ACSL3: variants seen among roughly 807,000 people sequenced by gnomAD.
The protein encoded by ACSL3 is fatty acid CoA ligase Acsl3.
ACSL3 carries 34 observed loss-of-function variants against 84.7 expected under a neutral mutation model. The ratio of observed to expected loss-of-function variants is 0.40; its 90% confidence interval spans 0.31 to 0.53. ACSL3 has a LOEUF of 0.53. ACSL3 is among the 20% of genes least tolerant of loss of function. ACSL3 has a pLI of 0.48. For missense variants in ACSL3, 680 were observed against 873.1 expected (o/e 0.78, Z 2.79); for synonymous variants, 315 against 299.4 (o/e 1.05, Z -0.54).
intron 2 of ACSL3, among the ~76,000 whole-genome samples, chr2:222,892,906 C>T (rs1231464168): frequency 6.6e-6 from 1 of 152,170 alleles, no homozygotes; most frequent in African/African-American, 2.4e-5. Flanking sequence ...CCATTTATTG[C>T]AAGCTTGGTG....
intron 1 of ACSL3, among the ~76,000 whole-genome samples, chr2:222,887,235 A>G (rs1695745895): frequency 6.6e-6 from 1 of 152,114 alleles, no homozygotes; most frequent in African/African-American, 2.4e-5. Flanking sequence ...AGTTTCCTTC[A>G]TGTCTTGTCA....
chr2:222,935,219 G>C (rs1344985425), intron 16 of ACSL3, among the ~76,000 whole-genome samples: 1 of 151,990 alleles, frequency 6.6e-6, no homozygotes, highest in African/African-American at 2.4e-5. Context: ...AAGAGACAGG[G>C]TCTCTTCTGT....
At chr2:222,907,934 T>C (rs1007861212) in intron 3 of ACSL3, among the ~76,000 whole-genome samples, 4 of 152,118 alleles carry the variant, frequency 2.6e-5, no homozygotes, top group Admixed American at 6.5e-5. Flanking sequence ...TCACTTTCTA[T>C]TTTCCTTACC....
At chr2:222,887,747 G>GGAAAAACTTT (rs1695757423) in intron 1 of ACSL3, 83 bp from the exon 2 acceptor site, 1 of 151,908 alleles carries the variant, frequency 6.6e-6, no homozygotes, top group African/African-American at 2.4e-5. Flanking sequence ...AAGTAAAATA[G>GGAAAAACTTT]TTCCAGGAAA....
chr2:222,870,038 G>GT (rs1253454209), intron 1 of ACSL3, among the ~76,000 whole-genome samples: 1 of 151,842 alleles, frequency 6.6e-6, no homozygotes, highest in Non-Finnish European at 1.5e-5. Context: ...CGAGTTGTTT[G>GT]TAACCCTGCC....
At chr2:222,934,012 T>G (rs1364998386) in intron 15 of ACSL3, among the ~76,000 whole-genome samples, 1 of 152,202 alleles carries the variant, frequency 6.6e-6, no homozygotes, top group Non-Finnish European at 1.5e-5. Flanking sequence ...TGTTACTATT[T>G]TATGGCCTTC....
intron 1 of ACSL3, among the ~76,000 whole-genome samples, chr2:222,872,100 A>G (rs1559276045): frequency 6.6e-6 from 1 of 152,198 alleles, no homozygotes; most frequent in Non-Finnish European, 1.5e-5. Context: ...AGGTTATAAA[A>G]TAGATAATAG....
chr2:222,918,937 A>C (rs1023145354), intron 6 of ACSL3, 127 bp from the exon 7 acceptor site: 39 of 1,065,648 alleles, frequency 3.7e-5, no homozygotes, highest in Non-Finnish European at 5.1e-5. Flanking sequence ...ATGCCAGTGT[A>C]CCCTTTCTTC....
rs1696631050 is a variant in ACSL3 at position 222,918,017 on chromosome 2, A to G, written c.557-29A>G. On this transcript the variant is annotated intron_variant, in intron 5 of 16. Transcript: ENST00000357430. ...TACATTTGTAGTTAAATGTTTGAATATTTGACTGGCTGCTGCTTTTCCTTT... is the reference window on the plus strand; with the variant it reads ...TACATTTGTAGTTAAATGTTTGAATGTTTGACTGGCTGCTGCTTTTCCTTT... 2.7e-6 allele frequency: 4 copies of G among 1,501,714 alleles called. No individual in the cohort carries two copies. In the East Asian group the frequency reaches 9.1e-5, roughly 34 times the overall value. 93.0% of individuals were successfully genotyped at this position (1,501,714 alleles called of 1,614,324 possible). A position where few individuals can be genotyped will look rare whatever the true frequency, so the allele number is the denominator to read the frequency against.
intron 1 of ACSL3, among the ~76,000 whole-genome samples, chr2:222,866,237 C>T (rs1038908442): frequency 4.6e-5 from 7 of 152,070 alleles, no homozygotes; most frequent in Admixed American, 3.3e-4. Context: ...GCTCCGCTTC[C>T]CGGGTTCACG....
intron 1 of ACSL3, among the ~76,000 whole-genome samples, chr2:222,866,202 G>A (rs967639409): frequency 1.3e-5 from 2 of 151,938 alleles, no homozygotes; most frequent in Non-Finnish European, 1.5e-5. Context: ...CTGGAGTGCA[G>A]TGGCATGATC....
At chr2:222,925,030 CAA>C (rs55727337) in intron 11 of ACSL3, among the ~76,000 whole-genome samples, 8,185 of 137,160 alleles carry the variant, frequency 0.06, 303 homozygotes, top group Non-Finnish European at 0.084. Context: ...GAATCCGTCT[CAA>C]AAAAAAAAAA....
At chr2:222,909,936 C>G (rs1023752350) in intron 4 of ACSL3, among the ~76,000 whole-genome samples, 1 of 152,094 alleles carries the variant, frequency 6.6e-6, no homozygotes, top group Non-Finnish European at 1.5e-5. Context: ...TAACCTACCC[C>G]AGGGACACTA....
intron 3 of ACSL3, among the ~76,000 whole-genome samples, chr2:222,908,277 T>G (rs1696348809): frequency 6.6e-6 from 1 of 152,204 alleles, no homozygotes; most frequent in Non-Finnish European, 1.5e-5. Flanking sequence ...TGTTGCTGAC[T>G]AGAGTGAGAA....
chr2:222,883,053 C>T (rs901779805), intron 1 of ACSL3, among the ~76,000 whole-genome samples: 6 of 152,168 alleles, frequency 3.9e-5, no homozygotes, highest in African/African-American at 1.2e-4. Flanking sequence ...CAGGCATGAG[C>T]CACCACACCT....
chr2:222,874,129 C>G (rs888375557), intron 1 of ACSL3, among the ~76,000 whole-genome samples: 3 of 152,096 alleles, frequency 2.0e-5, no homozygotes, highest in Non-Finnish European at 4.4e-5. Context: ...TCAGGTGATT[C>G]TCAATGCCTC....
intron 1 of ACSL3, among the ~76,000 whole-genome samples, chr2:222,876,170 G>A (rs1206168312): frequency 6.6e-6 from 1 of 152,192 alleles, no homozygotes; most frequent in African/African-American, 2.4e-5. Flanking sequence ...GGATTAATAA[G>A]CAGGGGAAGG....
At position 222,924,472 on chromosome 2, in the gene ACSL3, T is replaced by C; in HGVS notation, c.1169T>C (p.Ile390Thr). The change falls in exon 11 of 17, where the codon ATC becomes ACC. Residue 390 changes from isoleucine (I) to threonine (T), a missense_variant. This residue lies in a region of ACSL3 where 347 missense variants were observed against 525.7 expected (regional missense o/e 0.66). Coordinates refer to ENST00000357430, the MANE Select transcript of ACSL3 (RefSeq NM_004457.5). ...TACATTTAGGAAATCATGGATCGGA[T>C]CTACAAAAATGTCATGAATAAAGTC... ...MAAVPEIMDR[I>T]YKNVMNKVSE... 1 of 1,605,480 alleles carries C rather than the reference T, an allele frequency of 6.2e-7. No individual in the cohort carries two copies. Among genetic ancestry groups the C allele is most frequent in the Admixed American group, 1.7e-5 (1 of 58,480 alleles).
Position 222,916,251 on chromosome 2 carries a change from G to A in ACSL3, c.379-68G>A, listed in dbSNP as rs1048440501. ...TTCTGGTTCATCATAACATTTGGAC[G>A]ATATTCTGGTTTCTTCTGTAAATTA... is the stretch of plus-strand genomic sequence containing the variant. On this transcript the variant is annotated intron_variant, in intron 4 of 16. Transcript: ENST00000357430. 1.3e-5 allele frequency: 14 copies of A among 1,050,300 alleles called. No individual in the cohort carries two copies. In the South Asian group the frequency reaches 2.6e-4, roughly 19 times the overall value. 65.1% of individuals were successfully genotyped at this position (1,050,300 alleles called of 1,614,324 possible). A position where few individuals can be genotyped will look rare whatever the true frequency, so the allele number is the denominator to read the frequency against.
Sources: allele counts gnomAD v4.1 joint callset (sites outside exome capture counted in the v4.1 genomes callset), GRCh38; gene constraint gnomAD v4.1.1; regional missense constraint gnomAD v4.1.1; transcripts MANE v1.5; gene names NCBI Gene and HGNC (gene_info 2026-07-23, HGNC 2026-07-21).